Variants in FRMD4A observed in about 807,000 individuals in gnomAD.
FRMD4A encodes FERM domain-containing protein 4A.
A neutral mutation model predicts 129.1 loss-of-function variants in FRMD4A; 29 were observed. The observed-to-expected ratio is 0.22, with a 90% CI of 0.17 to 0.31. The LOEUF (loss-of-function observed/expected upper bound fraction) is 0.31, where lower values mean the gene tolerates loss of function less well. FRMD4A is among the 10% of genes least tolerant of loss of function. The pLI is 1.00. For synonymous variants in FRMD4A, 634 were observed against 571.6 expected, an observed-to-expected ratio of 1.11 and a Z score of -1.56; for missense variants, 1,272 against 1,375.8, an observed-to-expected ratio of 0.92 and a Z score of 1.19.
chr10:13,664,394 G>T (rs2082855886), intron 18 of FRMD4A, among the ~76,000 whole-genome samples: 1 of 152,160 alleles, frequency 6.6e-6, no homozygotes, highest in African/African-American at 2.4e-5. Flanking sequence ...GCTTTACTAG[G>T]AGGTAGGGGA....
At chr10:14,167,554 A>G (rs1400680506) in intron 2 of FRMD4A, among the ~76,000 whole-genome samples, 1 of 151,386 alleles carries the variant, frequency 6.6e-6, no homozygotes, top group Admixed American at 6.6e-5. Flanking sequence ...AAAAAAAAAA[A>G]AAAAAAAAAG....
intron 2 of FRMD4A, among the ~76,000 whole-genome samples, chr10:14,220,153 T>C (rs1156389802): frequency 6.6e-6 from 1 of 152,132 alleles, no homozygotes; most frequent in Non-Finnish European, 1.5e-5. Flanking sequence ...CCCTTGCCCT[T>C]CTAAATGACG....
intron 2 of FRMD4A, among the ~76,000 whole-genome samples, chr10:14,165,805 A>T (rs1335686184): frequency 1.3e-5 from 2 of 152,222 alleles, no homozygotes; most frequent in Non-Finnish European, 2.9e-5. Context: ...ATAAACATTG[A>T]GTACTCATGG....
chr10:13,751,416 G>C (rs79297765), intron 8 of FRMD4A, among the ~76,000 whole-genome samples: 4 of 152,176 alleles, frequency 2.6e-5, no homozygotes, highest in African/African-American at 9.7e-5. Context: ...CAAATCTATA[G>C]AAATGTTCTG....
chr10:13,654,067 C>A, intron 23 of FRMD4A: 1 of 450,690 alleles, frequency 2.2e-6, no homozygotes, highest in South Asian at 4.8e-5. Context: ...CCCTGACATT[C>A]TTGCCTGGCA....
chr10:14,102,214 T>C (rs1378651549), intron 2 of FRMD4A, among the ~76,000 whole-genome samples: 1 of 152,190 alleles, frequency 6.6e-6, no homozygotes, highest in East Asian at 1.9e-4. Context: ...CTTCACAGCA[T>C]GCAGCTTAAT....
At chr10:14,115,703 C>A (rs906085911) in intron 2 of FRMD4A, among the ~76,000 whole-genome samples, 1 of 152,138 alleles carries the variant, frequency 6.6e-6, no homozygotes, top group Non-Finnish European at 1.5e-5. Context: ...TACCTCCCTC[C>A]CCGCTCTCTC....
intron 2 of FRMD4A, among the ~76,000 whole-genome samples, chr10:14,298,696 T>C (rs891436623): frequency 3.3e-5 from 5 of 152,226 alleles, no homozygotes; most frequent in African/African-American, 9.6e-5. Flanking sequence ...GCTGATTGGC[T>C]GGATCTGTGT....
chr10:13,925,618 C>A (rs2095124796), intron 2 of FRMD4A, among the ~76,000 whole-genome samples: 1 of 105,290 alleles, frequency 9.5e-6, no homozygotes, highest in Non-Finnish European at 1.7e-5. Flanking sequence ...GAGTCTCACT[C>A]CGTTGCCCAG....
At chr10:14,037,995 G>C (rs998331340) in intron 2 of FRMD4A, among the ~76,000 whole-genome samples, 61 of 152,216 alleles carry the variant, frequency 4.0e-4, no homozygotes, top group African/African-American at 1.3e-3. Flanking sequence ...AGAGAAACAT[G>C]TTAGAACCAT....
chr10:14,224,062 C>T (rs367752420), intron 2 of FRMD4A, among the ~76,000 whole-genome samples: 13 of 152,288 alleles, frequency 8.5e-5, no homozygotes, highest in African/African-American at 1.4e-4. Flanking sequence ...TCTGCTCAGG[C>T]GAGGAGTCCT....
At chr10:14,250,453 A>G (rs1844398770) in intron 2 of FRMD4A, among the ~76,000 whole-genome samples, 1 of 152,162 alleles carries the variant, frequency 6.6e-6, no homozygotes, top group Admixed American at 6.5e-5. Context: ...CTATAAAAGG[A>G]TTTTCCAATT....
chr10:14,131,091 T>A (rs1220941324), intron 2 of FRMD4A, among the ~76,000 whole-genome samples: 1 of 152,234 alleles, frequency 6.6e-6, no homozygotes, highest in African/African-American at 2.4e-5. Flanking sequence ...TCTTCTATAA[T>A]TGGCCCTGTT....
In FRMD4A at chr10:13,690,705, G is replaced by C. The variant is rs536842847; in HGVS notation, c.1117+3193C>G. On this transcript the variant is annotated intron_variant, in intron 15 of 24. Transcript: ENST00000357447. ...TGTGCAGCTGCAGAAAGGGCTGAGG[G>C]CACTGAAGCTGACAATGGGAGCCGC... Among the ~76,000 whole-genome samples the C allele has an allele frequency of 1.6e-4, 25 of 152,334 alleles. No individual in the cohort carries two copies. In the South Asian group the frequency reaches 5.2e-3, roughly 32 times the overall value.
At chr10:13,949,068 G>C (rs972023127) in intron 2 of FRMD4A, among the ~76,000 whole-genome samples, 1 of 152,104 alleles carries the variant, frequency 6.6e-6, no homozygotes, top group Non-Finnish European at 1.5e-5. Flanking sequence ...TTAGGAACTG[G>C]AGTTTGTTTA....
At chr10:13,679,215 A>AGGTCAAGACCAGCTT (rs2134748577) in intron 15 of FRMD4A, among the ~76,000 whole-genome samples, 1 of 151,168 alleles carries the variant, frequency 6.6e-6, no homozygotes, top group South Asian at 2.1e-4. Context: ...CGAGGTCAGG[A>AGGTCAAGACCAGCTT]GGTCAAGACC....
intron 3 of FRMD4A, among the ~76,000 whole-genome samples, chr10:13,840,177 A>C (rs1387943814): frequency 3.3e-5 from 5 of 152,116 alleles, no homozygotes; most frequent in African/African-American, 1.2e-4. Flanking sequence ...GTATTTGGAG[A>C]TAGGATCTTT....
intron 2 of FRMD4A, among the ~76,000 whole-genome samples, chr10:14,198,999 G>T (rs1485383730): frequency 3.3e-5 from 5 of 151,846 alleles, no homozygotes; most frequent in Non-Finnish European, 7.4e-5. Flanking sequence ...TATTATTTAT[G>T]GTTACATTTA....
rs565364018 is a variant in FRMD4A at position 14,235,704 on chromosome 10, G to A, written c.45+94354C>T. Among the ~76,000 whole-genome samples the A allele has an allele frequency of 5.3e-5, 8 of 152,322 alleles. No homozygotes were observed. In the South Asian group the frequency reaches 1.2e-3, roughly 24 times the overall value. On this transcript the variant is annotated intron_variant, in intron 2 of 24. Transcript: ENST00000357447. ...TCCAGCGGCTTAAGACAGCTGCGCC[G>A]TTGCAGCCGTCACAAAAATCAGCAT...
Sources: gnomAD v4.1 joint callset for allele counts (sites outside exome capture counted in the v4.1 genomes callset) on GRCh38, gnomAD v4.1.1 for gene constraint, MANE v1.5 for transcripts, NCBI Gene and HGNC (gene_info 2026-07-23, HGNC 2026-07-21) for gene names.